RBKS: variants seen among roughly 807,000 people sequenced by gnomAD.
RBKS encodes ribokinase.
RBKS carries 33 observed loss-of-function variants against 33.9 expected under a neutral mutation model. The observed-to-expected ratio is 0.97, with a 90% CI of 0.74 to 1.30. RBKS has a LOEUF of 1.30. Among genes scored for constraint, RBKS ranks in the 50% most tolerant of loss-of-function variants. The pLI is 0.00. For synonymous variants in RBKS, 125 were observed against 143.0 expected, an observed-to-expected ratio of 0.87 and a Z score of 0.90; for missense variants, 361 against 392.6, an observed-to-expected ratio of 0.92 and a Z score of 0.68.
chr2:27,813,899 T>G (rs1678039511), intron 7 of RBKS, among the ~76,000 whole-genome samples: 1 of 152,176 alleles, frequency 6.6e-6, no homozygotes, highest in Non-Finnish European at 1.5e-5. Context: ...TTTAATAAGC[T>G]AATACTGTCT....
chr2:27,887,125 A>T (rs1487994014), intron 1 of RBKS, among the ~76,000 whole-genome samples: 3 of 152,208 alleles, frequency 2.0e-5, no homozygotes, highest in African/African-American at 7.2e-5. Context: ...GGTTGTGCCT[A>T]ATGTAATCAC....
chr2:27,870,422 A>G, intron 1 of RBKS: 1 of 173,722 alleles, frequency 5.8e-6, no homozygotes, highest in Non-Finnish European at 1.2e-5. Context: ...CTGTTTTTCT[A>G]AAAGAAATCT....
chr2:27,783,778 A>G (rs986556228), intron 7 of RBKS, among the ~76,000 whole-genome samples: 1 of 150,850 alleles, frequency 6.6e-6, no homozygotes, highest in East Asian at 2.0e-4. Flanking sequence ...GAGGTGGTGG[A>G]CGCCTGTAGT....
At chr2:27,885,916 A>C (rs188278822) in intron 1 of RBKS, among the ~76,000 whole-genome samples, 93 of 152,348 alleles carry the variant, frequency 6.1e-4, no homozygotes, top group African/African-American at 2.1e-3. Flanking sequence ...AAGGTTTACT[A>C]ATGAAAACAT....
intron 5 of RBKS, among the ~76,000 whole-genome samples, chr2:27,833,407 T>C (rs948388752): frequency 3.3e-5 from 5 of 151,656 alleles, no homozygotes; most frequent in African/African-American, 7.3e-5. Flanking sequence ...AAAAAAAAGA[T>C]TGAGAAAGGA....
chr2:27,796,222 A>G (rs1225003289), intron 7 of RBKS, among the ~76,000 whole-genome samples: 1 of 138,578 alleles, frequency 7.2e-6, no homozygotes, highest in African/African-American at 2.7e-5. Flanking sequence ...ATACACTGGT[A>G]TGATTTTTTT....
intron 1 of RBKS, among the ~76,000 whole-genome samples, chr2:27,867,070 C>T (rs1022504621): frequency 2.0e-5 from 3 of 150,042 alleles, no homozygotes; most frequent in Admixed American, 6.7e-5. Flanking sequence ...CACCACTGCA[C>T]TCCAGCCTGA....
intron 1 of RBKS, among the ~76,000 whole-genome samples, chr2:27,876,506 T>G (rs1397932956): frequency 6.6e-6 from 1 of 152,214 alleles, no homozygotes; most frequent in Non-Finnish European, 1.5e-5. Context: ...TACTATGTCT[T>G]CAAGTTCACT....
At chr2:27,847,002 C>T (rs890033202) in intron 4 of RBKS, 40 bp downstream of exon 4, 3 of 1,374,586 alleles carry the variant, frequency 2.2e-6, no homozygotes, top group Non-Finnish European at 3.1e-6. Context: ...TGGAAATACA[C>T]TGTCTTATGA....
chr2:27,870,489 A>G, intron 1 of RBKS: 1 of 197,404 alleles, frequency 5.1e-6, no homozygotes, highest in Non-Finnish European at 1.1e-5. Context: ...TTAGAAAGCC[A>G]TCTCACTTGT....
intron 5 of RBKS, among the ~76,000 whole-genome samples, chr2:27,833,833 T>C (rs1358320528): frequency 6.6e-6 from 1 of 152,228 alleles, no homozygotes; most frequent in Non-Finnish European, 1.5e-5. Context: ...TTCACTTGAG[T>C]ACTAGATTGG....
chr2:27,787,976 T>C (rs1166648257), intron 7 of RBKS, among the ~76,000 whole-genome samples: 1 of 152,166 alleles, frequency 6.6e-6, no homozygotes, highest in Non-Finnish European at 1.5e-5. Flanking sequence ...AATTCAGTAA[T>C]ATTAAAAACC....
intron 4 of RBKS, 140 bp downstream of exon 4, chr2:27,846,902 T>C (rs562719633): frequency 5.4e-6 from 3 of 557,586 alleles, no homozygotes; most frequent in Middle Eastern, 3.8e-4. Flanking sequence ...TATATTTGGA[T>C]TGGAAAAACT....
chr2:27,881,948 T>A (rs1664425074), intron 1 of RBKS, among the ~76,000 whole-genome samples: 2 of 152,088 alleles, frequency 1.3e-5, no homozygotes, highest in Admixed American at 1.3e-4. Context: ...ATGTAAAACC[T>A]AAAACTATAA....
chr2:27,833,645 T>C (rs921764279), intron 5 of RBKS, among the ~76,000 whole-genome samples: 1 of 152,172 alleles, frequency 6.6e-6, no homozygotes, highest in Non-Finnish European at 1.5e-5. Flanking sequence ...TTTGGTCCAC[T>C]CTAGAAAAAG....
intron 1 of RBKS, among the ~76,000 whole-genome samples, chr2:27,862,990 A>G (rs967080453): frequency 6.3e-5 from 9 of 142,886 alleles, no homozygotes; most frequent in Admixed American, 2.9e-4. Context: ...CATTACTATG[A>G]TTTGTTCTAA....
At chr2:27,802,045 C>CCAT (rs1677807501) in intron 7 of RBKS, among the ~76,000 whole-genome samples, 1 of 116,122 alleles carries the variant, frequency 8.6e-6, no homozygotes, top group Admixed American at 1.1e-4. Context: ...GCTATGTTGC[C>CCAT]CATGCTGGTC....
chr2:27,786,724 T>C (rs898826986), intron 7 of RBKS, among the ~76,000 whole-genome samples: 13 of 146,988 alleles, frequency 8.8e-5, no homozygotes, highest in African/African-American at 3.3e-4. Flanking sequence ...GAGGTTGCAG[T>C]GAGCCAAGAC....
chr2:27,807,824 G>GA (rs1342016456), intron 7 of RBKS, among the ~76,000 whole-genome samples: 1 of 152,038 alleles, frequency 6.6e-6, no homozygotes, highest in Non-Finnish European at 1.5e-5. Context: ...TTGTGGGGGG[G>GA]AATCCCAGCA....
Sources: allele counts gnomAD v4.1 joint callset (sites outside exome capture counted in the v4.1 genomes callset), GRCh38; gene constraint gnomAD v4.1.1; transcripts MANE v1.5; gene names NCBI Gene and HGNC (gene_info 2026-07-23, HGNC 2026-07-21).